Variants in LRBA observed in about 807,000 individuals in gnomAD.
LRBA encodes the protein lipopolysaccharide-responsive and beige-like anchor protein.
Under a neutral mutation model 330.0 loss-of-function variants are expected in LRBA, and 176 were observed. The ratio of observed to expected loss-of-function variants is 0.53; its 90% CI spans 0.47 to 0.60. The LOEUF (loss-of-function observed/expected upper bound fraction) is 0.60, where lower values mean the gene tolerates loss of function less well. LRBA is among the 20% of genes least tolerant of loss of function. LRBA has a pLI of 0.00. For missense variants in LRBA, 3,259 were observed against 3,444.8 expected, an observed-to-expected ratio of 0.95 and a Z score of 1.35; for synonymous variants, 1,230 against 1,193.0, an observed-to-expected ratio of 1.03 and a Z score of -0.64.
intron 2 of LRBA, among the ~76,000 whole-genome samples, chr4:150,998,368 A>AG (rs1561111173): frequency 6.6e-6 from 1 of 151,356 alleles, no homozygotes; most frequent in Non-Finnish European, 1.5e-5. Context: ...AAAAAAAAAA[A>AG]AGAGAGATAG....
intron 38 of LRBA, among the ~76,000 whole-genome samples, chr4:150,593,941 C>T (rs1773187784): frequency 6.6e-6 from 1 of 151,962 alleles, no homozygotes; most frequent in Admixed American, 6.6e-5. Flanking sequence ...CTTCCAATTG[C>T]AATTAAAAAA....
intron 40 of LRBA, among the ~76,000 whole-genome samples, chr4:150,493,304 T>C (rs1276224348): frequency 6.6e-6 from 1 of 152,194 alleles, no homozygotes. Flanking sequence ...ACTATAATAT[T>C]TGCTTGCTAG....
intron 22 of LRBA, among the ~76,000 whole-genome samples, chr4:150,865,996 G>A (rs974523655): frequency 2.0e-5 from 3 of 152,164 alleles, no homozygotes; most frequent in Admixed American, 1.3e-4. Context: ...GATTACAGGC[G>A]TGAGCCACCA....
At chr4:150,765,834 G>A (rs1438452498) in intron 34 of LRBA, among the ~76,000 whole-genome samples, 2 of 152,002 alleles carry the variant, frequency 1.3e-5, no homozygotes, top group Non-Finnish European at 2.9e-5. Context: ...CAGAAATTGT[G>A]CCATTTAGAT....
chr4:150,443,421 C>T lies in LRBA; in HGVS notation c.6781-6557G>A, dbSNP rs139125499. 1.8e-3 allele frequency among the ~76,000 whole-genome samples: 268 copies of T among 152,228 alleles called. 6 individuals carry two copies. The East Asian group carries it at 0.042, about 24-fold the overall frequency. ...CACATACATTTACTGCGGCACTACT[C>T]ACAACAGCAAAGACTTGGAACCAAC... On this transcript the variant is annotated intron_variant, in intron 44 of 56. Transcript: ENST00000651943.
intron 47 of LRBA, among the ~76,000 whole-genome samples, chr4:150,403,599 A>C (rs1745785488): frequency 6.6e-6 from 1 of 151,776 alleles, no homozygotes; most frequent in Non-Finnish European, 1.5e-5. Context: ...CTTCAAACCT[A>C]TAGTAACTTT....
chr4:150,545,991 CAA>C (rs1220819915), intron 40 of LRBA, among the ~76,000 whole-genome samples: 2 of 151,834 alleles, frequency 1.3e-5, no homozygotes, highest in African/African-American at 4.8e-5. Context: ...GGTATAGTCA[CAA>C]AGAGCATATG....
intron 37 of LRBA, among the ~76,000 whole-genome samples, chr4:150,664,521 G>A (rs1195623527): frequency 2.6e-5 from 4 of 151,968 alleles, no homozygotes; most frequent in South Asian, 2.1e-4. Context: ...TCATGCCACC[G>A]GTTCACAGGA....
intron 47 of LRBA, among the ~76,000 whole-genome samples, chr4:150,354,197 T>C (rs985182890): frequency 6.6e-6 from 1 of 152,102 alleles, no homozygotes; most frequent in Admixed American, 6.5e-5. Context: ...ACATAAATCA[T>C]AAAACCTATA....
chr4:150,915,039 G>A lies in LRBA; in HGVS notation c.1014+569C>T, dbSNP rs118152404. On this transcript the variant is annotated intron_variant, in intron 8 of 56. Coordinates refer to ENST00000651943, the MANE Select transcript of LRBA (RefSeq NM_001364905.1). ...TCAAGACCCTGATCTCTTGAGGTTA[G>A]CATTACAAAATATGTATATATGTGT... Among the ~76,000 whole-genome samples, 4 of 152,144 alleles carry A rather than the reference G, an allele frequency of 2.6e-5. No individual in the cohort carries two copies. The East Asian group carries it at 7.7e-4, about 29-fold the overall frequency.
intron 29 of LRBA, among the ~76,000 whole-genome samples, chr4:150,829,282 T>A (rs1304901112): frequency 6.6e-6 from 1 of 152,138 alleles, no homozygotes; most frequent in Non-Finnish European, 1.5e-5. Flanking sequence ...ACCTCAAACA[T>A]GGTTACTGCA....
intron 26 of LRBA, among the ~76,000 whole-genome samples, chr4:150,846,271 C>G (rs571052577): frequency 6.6e-6 from 1 of 152,092 alleles, no homozygotes; most frequent in South Asian, 2.1e-4. Flanking sequence ...GGGCTCACAT[C>G]TGTAATCCCA....
chr4:150,700,516 G>A (rs1228770376), intron 36 of LRBA, among the ~76,000 whole-genome samples: 7 of 152,112 alleles, frequency 4.6e-5, no homozygotes. Context: ...GAATGTGAAG[G>A]TCTAGGATAT....
intron 36 of LRBA, among the ~76,000 whole-genome samples, chr4:150,693,563 C>CAAAAAAA (rs70941428): frequency 0.025 from 1,313 of 52,522 alleles, 135 homozygotes; most frequent in East Asian, 0.041. Context: ...GACTCCGTCT[C>CAAAAAAA]AAAAAAAAAA....
At chr4:150,889,599 G>A (rs1034022723) in intron 17 of LRBA, among the ~76,000 whole-genome samples, 1 of 152,132 alleles carries the variant, frequency 6.6e-6, no homozygotes, top group Non-Finnish European at 1.5e-5. Context: ...CTGTGCATAC[G>A]AGGTATCTAG....
intron 34 of LRBA, among the ~76,000 whole-genome samples, chr4:150,771,721 T>C (rs189144873): frequency 5.6e-4 from 86 of 152,240 alleles, no homozygotes; most frequent in African/African-American, 2.0e-3. Flanking sequence ...GATTTGACAC[T>C]CAGCAGTGGC....
At chr4:150,687,954 T>C (rs1395276038) in intron 36 of LRBA, among the ~76,000 whole-genome samples, 1 of 152,054 alleles carries the variant, frequency 6.6e-6, no homozygotes. Context: ...AAAAACTACT[T>C]TAAATTTCAT....
chr4:150,417,381 T>C (rs1747932942), intron 46 of LRBA, among the ~76,000 whole-genome samples: 1 of 152,176 alleles, frequency 6.6e-6, no homozygotes, highest in Non-Finnish European at 1.5e-5. Flanking sequence ...CAAAATATGT[T>C]ATTTTCACTT....
intron 20 of LRBA, 122 bp from the exon 21 acceptor site, chr4:150,868,427 TTC>T (rs1407583937): frequency 1.9e-6 from 1 of 516,140 alleles, no homozygotes; most frequent in Non-Finnish European, 3.2e-6. Flanking sequence ...AAACATCCTC[TTC>T]TGTTATTAAA....
Sources: allele counts gnomAD v4.1 joint callset (sites outside exome capture counted in the v4.1 genomes callset), GRCh38; gene constraint gnomAD v4.1.1; transcripts MANE v1.5; gene names NCBI Gene and HGNC (gene_info 2026-07-23, HGNC 2026-07-21).